Variants in NUP85 observed in about 807,000 individuals in gnomAD.
NUP85 encodes nucleoporin 85.
A neutral mutation model predicts 92.8 loss-of-function variants in NUP85; 23 were observed. That is an observed-to-expected ratio of 0.25 (90% CI 0.18 to 0.35). NUP85 has a LOEUF of 0.35. NUP85 is among the 10% of genes least tolerant of loss of function. The probability of loss-of-function intolerance (pLI) is 1.00; values close to 1 mark genes in which losing one functional copy is unlikely to be tolerated. For synonymous variants in NUP85, 314 were observed against 306.9 expected (o/e 1.02, Z -0.24); for missense variants, 759 against 822.8 (o/e 0.92, Z 0.95).
Position 75,233,120 on chromosome 17 carries a change from G to A in NUP85, c.1577G>A (p.Gly526Glu). The A allele has an allele frequency of 6.2e-7, 1 of 1,614,088 alleles. No homozygotes were observed. Among genetic ancestry groups the A allele is most frequent in the Non-Finnish European group, 8.5e-7 (1 of 1,180,034 alleles). ...FSDLDLIDNL[G>E]PAMMLSDRLT... Reference sequence around the variant, plus strand: ...GATTTGGATCTCATTGACAACCTGGGGCCAGCCATGATGCTCAGTGACCGA... The same window carrying A: ...GATTTGGATCTCATTGACAACCTGGAGCCAGCCATGATGCTCAGTGACCGA... Residue 526 changes from glycine to glutamate, a missense_variant, in exon 16 of 19, where the codon GGG (glycine) becomes GAG (glutamate). Coordinates refer to ENST00000245544, the MANE Select transcript of NUP85 (RefSeq NM_024844.5).
At chr17:75,229,565 TGAGA>T (rs779770682) in intron 11 of NUP85, among the ~76,000 whole-genome samples, 10 of 152,066 alleles carry the variant, frequency 6.6e-5, no homozygotes, top group South Asian at 2.1e-4. Context: ...TCCTTCAGAG[TGAGA>T]GAGAGACAGA....
Position 75,231,713 on chromosome 17 carries a change from C to A in NUP85, c.1244+75C>A. On this transcript the variant is annotated intron_variant, in intron 13 of 18. Transcript: ENST00000245544. The surrounding 1 kb of genome is among the most constrained non-coding windows in gnomAD (Gnocchi z 4.6). ...GGGTGCCATTGGAGCTTGGACTGTT[C>A]TCTCCCAGTTGGCTCCTTGAAGGCT... 6.2e-7 allele frequency: 1 copy of A among 1,603,832 alleles called. No homozygotes were observed. Among genetic ancestry groups the A allele is most frequent in the South Asian group, 1.1e-5 (1 of 90,796 alleles).
At position 75,225,353 on chromosome 17, in the gene NUP85, C is replaced by A. The variant is rs1177955475; in HGVS notation, c.744C>A (p.Thr248=). Residue 248 remains threonine, a synonymous_variant, in exon 9 of 19, where the codon ACC becomes ACA. Coordinates refer to ENST00000245544, the MANE Select transcript of NUP85 (RefSeq NM_024844.5). ...RTMPILSPGN[T]QTLTELELKW... Reference sequence around the variant, plus strand: ...GGTCTCTCCCTTAGCCCGGGAACACCCAGACACTGACAGAGCTGGAGCTGA... The same window carrying A: ...GGTCTCTCCCTTAGCCCGGGAACACACAGACACTGACAGAGCTGGAGCTGA... 4 of 1,614,216 alleles carry A rather than the reference C, an allele frequency of 2.5e-6. No homozygotes were observed. The highest frequency in any genetic ancestry group is 2.5e-6 in the Non-Finnish European group (3 of 1,180,038).
chr17:75,224,709 G>A (rs1187988107), intron 7 of NUP85, among the ~76,000 whole-genome samples: 1 of 151,912 alleles, frequency 6.6e-6, no homozygotes, highest in East Asian at 1.9e-4. Flanking sequence ...GCATGCGCCT[G>A]TAATCTCAGC....
chr17:75,233,217 G>A, intron 16 of NUP85, 59 bp downstream of exon 16: 1 of 1,418,586 alleles, frequency 7.0e-7, no homozygotes, highest in Non-Finnish European at 9.9e-7. Context: ...TGGGGAGGTT[G>A]GAGGGATCAC....
intron 5 of NUP85, among the ~76,000 whole-genome samples, chr17:75,214,987 A>G (rs2075385922): frequency 6.6e-6 from 1 of 151,820 alleles, no homozygotes. Flanking sequence ...CTGGCTAACA[A>G]GGTGAAACCT....
intron 7 of NUP85, among the ~76,000 whole-genome samples, chr17:75,224,291 C>T (rs751706679): frequency 2.6e-5 from 4 of 151,916 alleles, no homozygotes; most frequent in African/African-American, 7.2e-5. Flanking sequence ...GTGATCTGCC[C>T]GTCTTGGCCT....
intron 7 of NUP85, among the ~76,000 whole-genome samples, chr17:75,221,600 A>C (rs998873940): frequency 6.6e-6 from 1 of 152,170 alleles, no homozygotes; most frequent in African/African-American, 2.4e-5. Context: ...TCCAGTGGAG[A>C]TAATAATACC....
chr17:75,231,123 TTTGCCATG>T lies in NUP85; in HGVS notation c.1095-211_1095-204del, dbSNP rs1445902988. 2.2e-5 allele frequency: 12 copies of T among 534,588 alleles called. No individual in the cohort carries two copies. In the East Asian group the frequency reaches 4.0e-4, roughly 18 times the overall value. The allele number at this position is 534,588 out of a possible 1,614,324, so 33.1% of individuals were successfully genotyped here. A position where few individuals can be genotyped will look rare whatever the true frequency, so the allele number is the denominator to read the frequency against. ...ATTTTTGTATTTGTAGAGATGGGGT[TTTGCCATG>T]TTGCCCAGGCTGGTCTTAAATTCCT... On this transcript the variant is annotated intron_variant, in intron 11 of 18. Transcript: ENST00000245544. The surrounding 1 kb of genome is among the most constrained non-coding windows in gnomAD (Gnocchi z 4.6).
rs199764435 is a variant in NUP85, at chr17:75,225,774, G to A, written c.932G>A (p.Arg311Gln). 30 of 1,614,084 alleles carry A rather than the reference G, an allele frequency of 1.9e-5. No individual in the cohort carries two copies. Among genetic ancestry groups the A allele is most frequent in the Non-Finnish European group, 2.3e-5 (27 of 1,180,016 alleles). ...AATTGGTATCATTTCCTAGTGACTC[G>A]GCTCTTGTACTCCAATCCCACAGTA... Reference protein sequence around the residue: ...LSNWYHFLVTRLLYSNPTVKP... With the variant: ...LSNWYHFLVTQLLYSNPTVKP... The change falls in exon 10 of 19, where the codon CGG (arginine) becomes CAG (glutamine). Residue 311 changes from arginine to glutamine, a missense_variant. Arg to Gln is a conservative substitution (Grantham distance 43). Coordinates refer to ENST00000245544, the MANE Select transcript of NUP85 (RefSeq NM_024844.5).
At position 75,231,847 on chromosome 17, in the gene NUP85, G is replaced by A. The variant is rs759103539; in HGVS notation, c.1264G>A (p.Asp422Asn). 6 of 1,614,036 alleles carry A rather than the reference G, an allele frequency of 3.7e-6. No individual in the cohort carries two copies. The highest frequency in any genetic ancestry group is 2.2e-5 in the East Asian group (1 of 44,872). The change falls in exon 14 of 19, where the codon GAT (aspartate) becomes AAT (asparagine). Residue 422 changes from aspartate to asparagine, a missense_variant. Transcript: ENST00000245544. The surrounding 1 kb of genome is among the most constrained non-coding windows in gnomAD (Gnocchi z 4.6). ...AHPSLWQLGV[D>N]YFDYCPELGR... is the part of the protein sequence containing the mutation. ...TTGCAGCCTGTGGCAGCTGGGGGTC[G>A]ATTACTTTGATTACTGCCCCGAGCT... is the stretch of plus-strand genomic sequence containing the variant.
At position 75,232,838 on chromosome 17, in the gene NUP85, T is replaced by G; in HGVS notation, c.1397-13T>G. On this transcript the variant is annotated splice_polypyrimidine_tract_variant and intron_variant, in intron 14 of 18. Transcript: ENST00000245544. ...GAGTGAAAGCCGTTTACCTTTTCTT[T>G]TCCCCTGCAAAGTTCGCAGCATTTG... is the stretch of plus-strand genomic sequence containing the variant. The G allele has an allele frequency of 6.2e-7, 1 of 1,612,506 alleles. No homozygotes were observed. The highest frequency in any genetic ancestry group is 8.5e-7 in the Non-Finnish European group (1 of 1,178,572).
At chr17:75,233,460 A>T (rs1484334189) in intron 16 of NUP85, among the ~76,000 whole-genome samples, 1 of 99,568 alleles carries the variant, frequency 1.0e-5, no homozygotes, top group Non-Finnish European at 1.9e-5. Context: ...TTTGAGACAG[A>T]ATCTTACTCG....
intron 17 of NUP85, 34 bp downstream of exon 17, chr17:75,234,822 T>C (rs772983865): frequency 1.7e-5 from 28 of 1,611,836 alleles, no homozygotes; most frequent in Non-Finnish European, 2.3e-5. Context: ...TTTCTTTGCT[T>C]GTCAGTCCCT....
rs750798763 is a variant in NUP85, at chr17:75,212,109, TG to T, written c.361+50del. ...GCGCGTGTGTGTGTGTGTGTGTGTG[TG>T]GGTATTTTGAGTATTTATCTATGCA... On this transcript the variant is annotated intron_variant, in intron 4 of 18. Coordinates refer to ENST00000245544, the MANE Select transcript of NUP85 (RefSeq NM_024844.5). 1.6e-3 allele frequency: 2,132 copies of T among 1,372,764 alleles called. 19 individuals are homozygous for T. The African/African-American group carries it at 0.025, about 16-fold the overall frequency. 85.0% of individuals were successfully genotyped at this position (1,372,764 alleles called of 1,614,324 possible).
intron 2 of NUP85, 142 bp downstream of exon 2, chr17:75,208,762 A>C (rs2075167187): frequency 1.5e-6 from 1 of 672,008 alleles, no homozygotes; most frequent in African/African-American, 1.8e-5. Flanking sequence ...TGTTTTCAAG[A>C]TACAACAGGG....
rs767940065 is a variant in NUP85 at position 75,231,303 on chromosome 17, C to T, written c.1095-37C>T. On this transcript the variant is annotated intron_variant, in intron 11 of 18. Coordinates refer to ENST00000245544, the MANE Select transcript of NUP85 (RefSeq NM_024844.5). The surrounding 1 kb of genome is among the most constrained non-coding windows in gnomAD (Gnocchi z 4.6). ...ACTCTTGTGGGACGCGGCCTGTGCC[C>T]TGATTTTCCTTCTTGCCTTGGTGTC... 1.2e-6 allele frequency: 2 copies of T among 1,610,708 alleles called. No individual in the cohort carries two copies. The highest frequency in any genetic ancestry group is 1.1e-5 in the South Asian group (1 of 90,994).
At chr17:75,212,256 T>TG (rs1568069701) in intron 4 of NUP85, among the ~76,000 whole-genome samples, 194 bp downstream of exon 4, 332 of 3,820 alleles carry the variant, frequency 0.087, 6 homozygotes, top group African/African-American at 0.13. Flanking sequence ...TGTTTTTTTT[T>TG]TTTTTTTTTT....
chr17:75,206,790 C>A, intron 1 of NUP85, among the ~76,000 whole-genome samples: 1 of 151,874 alleles, frequency 6.6e-6, no homozygotes, highest in East Asian at 1.9e-4. Flanking sequence ...CTCCGCCTCC[C>A]GGGTTCACAC....
Sources: gnomAD v4.1 joint callset for allele counts (sites outside exome capture counted in the v4.1 genomes callset) on GRCh38, gnomAD v4.1.1 for gene constraint, Gnocchi (gnomAD v3.1) non-coding constraint, MANE v1.5 for transcripts, NCBI Gene and HGNC (gene_info 2026-07-23, HGNC 2026-07-21) for gene names.